C5orf22: variants seen among roughly 807,000 people sequenced by gnomAD.
C5orf22 encodes the protein UPF0489 protein C5orf22.
Under a neutral mutation model 48.7 loss-of-function variants are expected in C5orf22, and 36 were observed. The observed-to-expected ratio is 0.74, with a 90% CI of 0.57 to 0.98. The LOEUF is 0.98. C5orf22 is among the 50% of genes least tolerant of loss of function. C5orf22 has a pLI of 0.00. For missense variants in C5orf22, 486 were observed against 521.9 expected (o/e 0.93, Z 0.67); for synonymous variants, 141 against 180.8 (o/e 0.78, Z 1.76).
chr5:31,554,588 T>G lies in C5orf22; in HGVS notation c.*1686T>G, dbSNP rs566449727. The G allele has an allele frequency of 5.3e-5, 8 of 152,380 alleles. No individual in the cohort carries two copies. Among genetic ancestry groups the G allele is most frequent in the African/African-American group, 1.9e-4 (8 of 41,590 alleles). 9.4% of individuals were successfully genotyped at this position (152,380 alleles called of 1,614,324 possible). On this transcript the variant is annotated 3_prime_UTR_variant, in exon 9 of 9. Transcript: ENST00000325366. ...TGCTATTTTTAATTTTTAAAATTTTTGGTTAGAGCTTATAGACATTACTTT... is the reference window on the plus strand; with the variant it reads ...TGCTATTTTTAATTTTTAAAATTTTGGGTTAGAGCTTATAGACATTACTTT...
chr5:31,538,227 TC>T, intron 3 of C5orf22, 32 bp from the exon 4 acceptor site: 1 of 1,502,506 alleles, frequency 6.7e-7, no homozygotes, highest in Non-Finnish European at 9.0e-7. Flanking sequence ...ATTTGCCCAT[TC>T]TTCTTAAAAA....
At position 31,535,803 on chromosome 5, in the gene C5orf22, TAATA is replaced by T. The variant is rs1252497513; in HGVS notation, c.288_291del (p.Ile97GlyfsTer18). ...GTTTATGCTGGCCATTTTTCACATGTAATATGGTTTCATCCCACATGGGCTCAGC... is the reference window on the plus strand; with the variant it reads ...GTTTATGCTGGCCATTTTTCACATGTTGGTTTCATCCCACATGGGCTCAGC... On this transcript the variant is annotated frameshift_variant, in exon 3 of 9. Coordinates refer to ENST00000325366, the MANE Select transcript of C5orf22 (RefSeq NM_018356.3). LOFTEE classifies it high-confidence loss of function. The T allele has an allele frequency of 6.2e-7, 1 of 1,613,062 alleles. No individual in the cohort carries two copies. The highest frequency in any genetic ancestry group is 2.2e-5 in the East Asian group (1 of 44,810).
chr5:31,547,994 GT>G (rs1443781298), intron 7 of C5orf22, among the ~76,000 whole-genome samples: 1 of 152,144 alleles, frequency 6.6e-6, no homozygotes, highest in Non-Finnish European at 1.5e-5. Flanking sequence ...TTTATGCCCT[GT>G]TTCTCTCTTA....
In C5orf22 at chr5:31,547,973, T is replaced by C. The variant is rs1743001736; in HGVS notation, c.1059+2261T>C. 2.0e-5 allele frequency among the ~76,000 whole-genome samples: 3 copies of C among 152,284 alleles called. No homozygotes were observed. In the South Asian group the frequency reaches 6.2e-4, roughly 32 times the overall value. ...TTCTTTAACATTGTCAGGCTGCAAA[T>C]TTTCCAAACTTTTATGCCCTGTTTC... On this transcript the variant is annotated intron_variant, in intron 7 of 8. Coordinates refer to ENST00000325366, the MANE Select transcript of C5orf22 (RefSeq NM_018356.3).
chr5:31,550,376 A>G (rs1294785951), intron 7 of C5orf22, among the ~76,000 whole-genome samples: 1 of 152,242 alleles, frequency 6.6e-6, no homozygotes, highest in Non-Finnish European at 1.5e-5. Context: ...AATTTAAAAC[A>G]CATAGGTAGA....
chr5:31,545,468 A>G (rs1249231091), intron 6 of C5orf22, among the ~76,000 whole-genome samples, 178 bp from the exon 7 acceptor site: 1 of 152,248 alleles, frequency 6.6e-6, no homozygotes, highest in Admixed American at 6.5e-5. Context: ...TTGGGTAAGA[A>G]AACAGGAAAC....
chr5:31,548,621 G>A, intron 7 of C5orf22: 1 of 446,734 alleles, frequency 2.2e-6, no homozygotes, highest in Non-Finnish European at 4.5e-6. Context: ...ACATTTCCCT[G>A]CCTTCTTCTG....
intron 6 of C5orf22, 109 bp downstream of exon 6, chr5:31,541,511 T>G: frequency 8.2e-7 from 1 of 1,221,800 alleles, no homozygotes; most frequent in Non-Finnish European, 1.2e-6. Flanking sequence ...TTCAGCTACT[T>G]GGGACACTGA....
chr5:31,538,973 A>T (rs1580441461), intron 4 of C5orf22, among the ~76,000 whole-genome samples: 1 of 152,230 alleles, frequency 6.6e-6, no homozygotes, highest in East Asian at 1.9e-4. Context: ...TAATGTATAC[A>T]TGGGTGATGG....
chr5:31,544,317 C>T lies in C5orf22; in HGVS notation c.993-1329C>T, dbSNP rs918482553. On this transcript the variant is annotated intron_variant, in intron 6 of 8. Coordinates refer to ENST00000325366, the MANE Select transcript of C5orf22 (RefSeq NM_018356.3). ...GCATCAATGTGGCCGGGCGCGATGG[C>T]TCACGCCTGTAATCCCAGCACTTTG... Among the ~76,000 whole-genome samples the T allele has an allele frequency of 2.6e-5, 4 of 152,240 alleles. No homozygotes were observed. The East Asian group carries it at 5.8e-4, about 22-fold the overall frequency.
chr5:31,544,873 T>C (rs958906377), intron 6 of C5orf22, among the ~76,000 whole-genome samples: 2 of 152,020 alleles, frequency 1.3e-5, no homozygotes, highest in Non-Finnish European at 2.9e-5. Flanking sequence ...AGTTCGAGGC[T>C]GCAGTGAGCC....
In C5orf22 at chr5:31,552,795, C is replaced by G; in HGVS notation, c.1222C>G (p.Pro408Ala). The change falls in exon 9 of 9, where the codon CCT (proline) becomes GCT (alanine). Residue 408 changes from proline to alanine, a missense_variant. Around this residue, in one of 3 missense-constraint regions of C5orf22, gnomAD observed 408 missense variants for 444.0 expected, o/e 0.92. Transcript: ENST00000325366. Reference protein sequence around the residue: ...IARSSLDDYCPSDQVDTIQEK... With the variant: ...IARSSLDDYCASDQVDTIQEK... ...TAGGTCAAGTCTGGATGATTACTGTCCTTCTGACCAAGTTGACACTATTCA... is the reference window on the plus strand; with the variant it reads ...TAGGTCAAGTCTGGATGATTACTGTGCTTCTGACCAAGTTGACACTATTCA... 6.2e-7 allele frequency: 1 copy of G among 1,613,536 alleles called. No individual in the cohort carries two copies. Among genetic ancestry groups the G allele is most frequent in the Non-Finnish European group, 8.5e-7 (1 of 1,179,610 alleles).
intron 7 of C5orf22, chr5:31,548,724 A>G (rs1400538416): frequency 1.5e-5 from 5 of 336,262 alleles, no homozygotes; most frequent in African/African-American, 6.5e-5. Flanking sequence ...ACTGGTACCA[A>G]TTTACTGTAT....
At chr5:31,543,215 G>A (rs1580449804) in intron 6 of C5orf22, among the ~76,000 whole-genome samples, 1 of 152,208 alleles carries the variant, frequency 6.6e-6, no homozygotes, top group Admixed American at 6.5e-5. Context: ...AAGCAGTGAT[G>A]TGGAAGAATA....
rs1295110342 is a variant in C5orf22 at position 31,551,320 on chromosome 5, T to C, written c.1087T>C (p.Tyr363His). 1.2e-6 allele frequency: 2 copies of C among 1,613,620 alleles called. No homozygotes were observed. The highest frequency in any genetic ancestry group is 2.7e-5 in the African/African-American group (2 of 75,052). The change falls in exon 8 of 9, where the codon TAT (tyrosine) becomes CAT (histidine). Residue 363 changes from tyrosine (Y) to histidine (H), a missense_variant. This residue lies in a region of C5orf22 where 408 missense variants were observed against 444.0 expected (regional missense o/e 0.92). Coordinates refer to ENST00000325366, the MANE Select transcript of C5orf22 (RefSeq NM_018356.3). ...MVHQAGLTCD[Y>H]SELPHHISTE... ...TCACCAGGCTGGTTTAACCTGCGAT[T>C]ATTCAGAACTTCCTCACCATATCAG... is the stretch of plus-strand genomic sequence containing the variant.
intron 5 of C5orf22, 94 bp downstream of exon 5, chr5:31,541,105 A>AGTGTGTGTGTGT (rs35650579): frequency 1.9e-4 from 128 of 677,156 alleles, no homozygotes; most frequent in Admixed American, 1.9e-3. Context: ...GACTGCTCAA[A>AGTGTGTGTGTGT]GTGTGTGTGT....
chr5:31,532,978 G>T (rs768402962), intron 1 of C5orf22, among the ~76,000 whole-genome samples: 1 of 151,496 alleles, frequency 6.6e-6, no homozygotes, highest in Non-Finnish European at 1.5e-5. Flanking sequence ...TTTTTGAGAC[G>T]GAGTCTCTCT....
In C5orf22 at chr5:31,538,397, A is replaced by G. The variant is rs774577194; in HGVS notation, c.515A>G (p.Asp172Gly). ...YKLCNNQEEN[D>G]AVSSAKKPKL... ...CTCTGTAACAATCAAGAAGAAAACG[A>G]TGCAGTGTCTTCTGCTAAGAAACCA... Residue 172 changes from aspartate to glycine, a missense_variant, in exon 4 of 9, where the codon GAT (aspartate) becomes GGT (glycine). By Grantham distance (94) the Asp-to-Gly change is moderately conservative (BLOSUM62 -1). Around this residue, in one of 3 missense-constraint regions of C5orf22, gnomAD observed 408 missense variants for 444.0 expected, o/e 0.92. Coordinates refer to ENST00000325366, the MANE Select transcript of C5orf22 (RefSeq NM_018356.3). 1 of 1,614,228 alleles carries G rather than the reference A, an allele frequency of 6.2e-7. No individual in the cohort carries two copies. Among genetic ancestry groups the G allele is most frequent in the Admixed American group, 1.7e-5 (1 of 60,036 alleles).
At chr5:31,542,789 A>C (rs556689405) in intron 6 of C5orf22, among the ~76,000 whole-genome samples, 229 of 152,350 alleles carry the variant, frequency 1.5e-3, no homozygotes, top group African/African-American at 5.2e-3. Context: ...TTTTGTCCCC[A>C]TGAGCATAGG....
Sources: allele counts gnomAD v4.1 joint callset (sites outside exome capture counted in the v4.1 genomes callset), GRCh38; gene constraint gnomAD v4.1.1; regional missense constraint gnomAD v4.1.1; transcripts MANE v1.5; gene names NCBI Gene and HGNC (gene_info 2026-07-23, HGNC 2026-07-21).